RGS9: variants seen among roughly 807,000 people sequenced by gnomAD.
RGS9 encodes regulator of G protein signaling 9.
A neutral mutation model predicts 102.0 loss-of-function variants in RGS9; 78 were observed. The ratio of observed to expected loss-of-function variants is 0.76; its 90% CI spans 0.64 to 0.92. RGS9 has a LOEUF of 0.92. RGS9 is among the 40% of genes least tolerant of loss of function. RGS9 has a pLI of 0.00. For synonymous variants in RGS9, 353 were observed against 318.6 expected (o/e 1.11, Z -1.15); for missense variants, 833 against 866.1 (o/e 0.96, Z 0.48).
chr17:65,159,744 A>G (rs984202542), intron 3 of RGS9, among the ~76,000 whole-genome samples: 45 of 152,156 alleles, frequency 3.0e-4, no homozygotes, highest in African/African-American at 1.1e-3. Context: ...TGGGAAGGAG[A>G]GGAAGGGTCT....
chr17:65,147,987 G>A, intron 1 of RGS9, among the ~76,000 whole-genome samples: 1 of 152,020 alleles, frequency 6.6e-6, no homozygotes, highest in Non-Finnish European at 1.5e-5. Context: ...TTGTTGATGA[G>A]GTACAATGTT....
chr17:65,179,271 G>T (rs1911761011), intron 9 of RGS9, among the ~76,000 whole-genome samples: 1 of 152,146 alleles, frequency 6.6e-6, no homozygotes. Flanking sequence ...CCTGGAGAGG[G>T]TCACCGGGGG....
At chr17:65,147,486 C>T (rs1282139875) in intron 1 of RGS9, among the ~76,000 whole-genome samples, 1 of 152,020 alleles carries the variant, frequency 6.6e-6, no homozygotes, top group Non-Finnish European at 1.5e-5. Context: ...CTTCAGGCTG[C>T]CTGAGTGACA....
chr17:65,164,675 G>C (rs1030783063), intron 7 of RGS9, among the ~76,000 whole-genome samples: 2 of 152,180 alleles, frequency 1.3e-5, no homozygotes, highest in Non-Finnish European at 2.9e-5. Context: ...TGCCCTCCAG[G>C]GGGGAAAATA....
intron 15 of RGS9, among the ~76,000 whole-genome samples, chr17:65,204,522 G>A (rs916521359): frequency 6.6e-6 from 1 of 152,106 alleles, no homozygotes; most frequent in African/African-American, 2.4e-5. Flanking sequence ...ACCAGCCTGG[G>A]CAACACAGTG....
intron 1 of RGS9, among the ~76,000 whole-genome samples, chr17:65,153,220 A>G (rs1910645137): frequency 6.6e-6 from 1 of 152,206 alleles, no homozygotes; most frequent in Non-Finnish European, 1.5e-5. Context: ...CTTCACATGC[A>G]GGGATGGGAT....
intron 16 of RGS9, among the ~76,000 whole-genome samples, chr17:65,210,032 C>T (rs1435448931): frequency 2.6e-5 from 4 of 152,058 alleles, no homozygotes; most frequent in Non-Finnish European, 4.4e-5. Context: ...GAGCCGAAGT[C>T]GTGCCACTGC....
intron 6 of RGS9, among the ~76,000 whole-genome samples, chr17:65,162,049 T>G (rs884973): frequency 0.27 from 41,251 of 151,992 alleles, 10,584 homozygotes; most frequent in African/African-American, 0.64. Flanking sequence ...TTTATCTTTG[T>G]TTTATCTTAG....
intron 1 of RGS9, among the ~76,000 whole-genome samples, chr17:65,143,254 C>CA (rs1188168763): frequency 6.6e-6 from 1 of 152,116 alleles, no homozygotes; most frequent in African/African-American, 2.4e-5. Context: ...CACCAACCCC[C>CA]AAAGAATGAT....
intron 15 of RGS9, 135 bp from the exon 16 acceptor site, chr17:65,207,787 C>A (rs1913125596): frequency 6.3e-6 from 4 of 636,032 alleles, no homozygotes; most frequent in South Asian, 3.2e-5. Context: ...TCCCCCAACA[C>A]CTTTCACCCA....
chr17:65,154,344 G>A (rs993546112), intron 2 of RGS9, among the ~76,000 whole-genome samples: 1 of 152,128 alleles, frequency 6.6e-6, no homozygotes, highest in Non-Finnish European at 1.5e-5. Flanking sequence ...GCTCTACAGA[G>A]TACATTTGCT....
At chr17:65,193,709 T>A in intron 12 of RGS9, 53 bp downstream of exon 12, 1 of 1,049,808 alleles carries the variant, frequency 9.5e-7, no homozygotes, top group Non-Finnish European at 1.5e-6. Context: ...GAGTTACAAT[T>A]CACATGCCAT....
At chr17:65,154,532 A>G (rs191908431) in intron 2 of RGS9, among the ~76,000 whole-genome samples, 33 of 152,244 alleles carry the variant, frequency 2.2e-4, no homozygotes, top group African/African-American at 7.5e-4. Context: ...AAAAAAAAAT[A>G]CTATTTAGCA....
intron 17 of RGS9, among the ~76,000 whole-genome samples, chr17:65,219,919 C>G: frequency 6.6e-6 from 1 of 151,984 alleles, no homozygotes; most frequent in East Asian, 1.9e-4. Context: ...ACCATCACCA[C>G]CATATCATTA....
intron 17 of RGS9, 135 bp downstream of exon 17, chr17:65,210,740 C>G (rs1913263049): frequency 6.9e-7 from 1 of 1,456,622 alleles, no homozygotes; most frequent in Non-Finnish European, 9.3e-7. Context: ...CTAGAAGGTT[C>G]CATTCCCCAT....
In RGS9 at chr17:65,162,917, C is replaced by T. The variant is rs112864399; in HGVS notation, c.424-96C>T. The stretch of plus-strand genomic sequence containing the variant: ...GGGCTGGGTCCATGGTTGCCATGAG[C>T]CAGGGGTGTGCCCTTGCTGACTTAG... On this transcript the variant is annotated intron_variant, in intron 6 of 18. Coordinates refer to ENST00000262406, the MANE Select transcript of RGS9 (RefSeq NM_003835.4). 527 of 725,378 alleles carry T rather than the reference C, an allele frequency of 7.3e-4. No homozygotes were observed. In the African/African-American group the frequency reaches 7.8e-3, roughly 11 times the overall value. 44.9% of individuals were successfully genotyped at this position (725,378 alleles called of 1,614,324 possible).
At chr17:65,188,333 G>A (rs1056904274) in intron 9 of RGS9, among the ~76,000 whole-genome samples, 1 of 152,180 alleles carries the variant, frequency 6.6e-6, no homozygotes, top group Non-Finnish European at 1.5e-5. Context: ...CTTATCCCCA[G>A]TATGACCCTG....
intron 16 of RGS9, among the ~76,000 whole-genome samples, chr17:65,210,215 C>T (rs1913237273): frequency 6.6e-6 from 1 of 152,212 alleles, no homozygotes; most frequent in Admixed American, 6.5e-5. Context: ...TTGATTTCTA[C>T]ATACTGTAGA....
intron 9 of RGS9, among the ~76,000 whole-genome samples, chr17:65,184,651 T>C (rs1912031966): frequency 6.6e-6 from 1 of 152,104 alleles, no homozygotes; most frequent in East Asian, 1.9e-4. Flanking sequence ...GCCCATATGC[T>C]TCTATTTCTT....
Sources: gnomAD v4.1 joint callset for allele counts (sites outside exome capture counted in the v4.1 genomes callset) on GRCh38, gnomAD v4.1.1 for gene constraint, MANE v1.5 for transcripts, NCBI Gene and HGNC (gene_info 2026-07-23, HGNC 2026-07-21) for gene names.